NTN1: variants seen among roughly 807,000 people sequenced by gnomAD.
The protein encoded by NTN1 is netrin 1.
Under a neutral mutation model 54.2 loss-of-function variants are expected in NTN1, and 11 were observed. The observed-to-expected ratio is 0.20, with a 90% CI of 0.13 to 0.34. The LOEUF (loss-of-function observed/expected upper bound fraction) is 0.34, where lower values mean the gene tolerates loss of function less well. Among genes scored for constraint, NTN1 ranks in the 10% least tolerant of loss-of-function variants. The probability of loss-of-function intolerance (pLI) is 1.00; values close to 1 mark genes in which losing one functional copy is unlikely to be tolerated. For missense variants in NTN1, 740 were observed against 893.1 expected (o/e 0.83, Z 2.18); for synonymous variants, 371 against 382.0 (o/e 0.97, Z 0.33).
At chr17:9,063,990 A>C (rs2092007035) in intron 2 of NTN1, among the ~76,000 whole-genome samples, 1 of 152,244 alleles carries the variant, frequency 6.6e-6, no homozygotes, top group South Asian at 2.1e-4. Context: ...TTACTAAGTA[A>C]GAAATACAAG....
intron 3 of NTN1, chr17:9,176,952 G>C (rs917082992): frequency 2.0e-5 from 3 of 152,286 alleles, no homozygotes; most frequent in African/African-American, 7.2e-5. Flanking sequence ...ACGTATGAGA[G>C]AGTGTGGATG....
At chr17:9,207,651 G>A (rs896659590) in intron 5 of NTN1, among the ~76,000 whole-genome samples, 2 of 152,148 alleles carry the variant, frequency 1.3e-5, no homozygotes, top group African/African-American at 4.8e-5. Context: ...CCAGCATCCT[G>A]CAGCCCTGAA....
intron 2 of NTN1, among the ~76,000 whole-genome samples, chr17:9,055,484 TATCTGAGGAGGGACCATTTG>T (rs1178846553): frequency 1.3e-5 from 2 of 152,158 alleles, no homozygotes; most frequent in African/African-American, 2.4e-5. Context: ...AGGTGAGGCC[TATCTGAGGAGGGACCATTTG>T]ACCTGAGACC....
chr17:9,231,316 C>T lies in NTN1; in HGVS notation c.1487-8324C>T, dbSNP rs558481194. On this transcript the variant is annotated intron_variant, in intron 6 of 6. Transcript: ENST00000173229. Reference sequence around the variant, plus strand: ...TACCCGGGGGGGGACCCCAGCCTCCCAAGTAGTCTACAGGAGCTTTGGGGG... The same window carrying T: ...TACCCGGGGGGGGACCCCAGCCTCCTAAGTAGTCTACAGGAGCTTTGGGGG... 5.3e-5 allele frequency among the ~76,000 whole-genome samples: 8 copies of T among 152,278 alleles called. No homozygotes were observed. The South Asian group carries it at 1.7e-3, about 32-fold the overall frequency.
At chr17:9,181,911 C>T (rs904857798) in intron 4 of NTN1, among the ~76,000 whole-genome samples, 6 of 152,208 alleles carry the variant, frequency 3.9e-5, no homozygotes, top group Non-Finnish European at 7.3e-5. Context: ...GCTGAACCGC[C>T]TCTCTTTTCT....
chr17:9,203,664 G>A (rs566984005), intron 5 of NTN1, among the ~76,000 whole-genome samples: 9 of 152,030 alleles, frequency 5.9e-5, no homozygotes, highest in East Asian at 3.9e-4. Context: ...TTAGCCAGGC[G>A]TGGTGGTGGG....
rs916368246 is a variant in NTN1, at chr17:9,221,791, C to A, written c.1486+549C>A. On this transcript the variant is annotated intron_variant, in intron 6 of 6. Coordinates refer to ENST00000173229, the MANE Select transcript of NTN1 (RefSeq NM_004822.3). This position sits in a 1 kb window ranked among gnomAD's most constrained non-coding sequence, Gnocchi z 4.5. ...AGCAGACAGTCCTGGGGGCCACCTGCAGAGATTGCTTGTCACCTGTGACCT... is the reference window on the plus strand; with the variant it reads ...AGCAGACAGTCCTGGGGGCCACCTGAAGAGATTGCTTGTCACCTGTGACCT... Among the ~76,000 whole-genome samples the A allele has an allele frequency of 1.3e-5, 2 of 152,154 alleles. No individual in the cohort carries two copies. The highest frequency in any genetic ancestry group is 4.8e-5 in the African/African-American group (2 of 41,458).
intron 5 of NTN1, among the ~76,000 whole-genome samples, chr17:9,190,157 G>GC: frequency 6.6e-6 from 1 of 152,222 alleles, no homozygotes; most frequent in African/African-American, 2.4e-5. Flanking sequence ...ATCTCAACTA[G>GC]AATACCAGTA....
intron 2 of NTN1, among the ~76,000 whole-genome samples, chr17:9,127,945 C>T (rs199680022): frequency 1.3e-5 from 2 of 151,512 alleles, no homozygotes; most frequent in African/African-American, 2.4e-5. Context: ...GGTGAAACCC[C>T]GTCTCTACTA....
At chr17:9,190,244 G>A (rs1904416206) in intron 5 of NTN1, among the ~76,000 whole-genome samples, 1 of 152,100 alleles carries the variant, frequency 6.6e-6, no homozygotes, top group African/African-American at 2.4e-5. Flanking sequence ...CTTTTCCAAG[G>A]AACATGAAGA....
intron 2 of NTN1, among the ~76,000 whole-genome samples, chr17:9,072,628 G>A (rs1380843004): frequency 2.6e-5 from 4 of 152,218 alleles, no homozygotes; most frequent in South Asian, 2.1e-4. Context: ...AGGCTGTCGG[G>A]TAACCTAAGT....
At chr17:9,137,668 C>T (rs1339610738) in intron 2 of NTN1, among the ~76,000 whole-genome samples, 1 of 152,096 alleles carries the variant, frequency 6.6e-6, no homozygotes, top group Admixed American at 6.6e-5. Context: ...ATGGCAGGCA[C>T]CTGTAATCCC....
intron 2 of NTN1, among the ~76,000 whole-genome samples, chr17:9,088,796 C>CT: frequency 6.6e-6 from 1 of 152,348 alleles, no homozygotes; most frequent in East Asian, 1.9e-4. Flanking sequence ...AGGGTTCAAT[C>CT]TGTTGTTCTC....
At chr17:9,037,827 A>G (rs1424661390) in intron 2 of NTN1, among the ~76,000 whole-genome samples, 1 of 152,170 alleles carries the variant, frequency 6.6e-6, no homozygotes, top group African/African-American at 2.4e-5. Context: ...TTTGTCCCTC[A>G]GCCTCCCTGG....
At chr17:9,238,719 G>A (rs959779688) in intron 6 of NTN1, among the ~76,000 whole-genome samples, 2 of 152,228 alleles carry the variant, frequency 1.3e-5, no homozygotes, top group Non-Finnish European at 2.9e-5. Flanking sequence ...ACTTACTAGA[G>A]CAAAGTTTCT....
chr17:9,166,204 C>G (rs888247267), intron 3 of NTN1, among the ~76,000 whole-genome samples: 1 of 108,632 alleles, frequency 9.2e-6, no homozygotes, highest in South Asian at 3.0e-4. Flanking sequence ...ACCACCACCA[C>G]CACCAGCACC....
chr17:9,096,798 C>T (rs1225216436), intron 2 of NTN1, among the ~76,000 whole-genome samples: 4 of 152,178 alleles, frequency 2.6e-5, no homozygotes, highest in African/African-American at 7.2e-5. Context: ...TAATAGCAGG[C>T]GTCTTTGTCT....
At chr17:9,132,170 G>A (rs1435760495) in intron 2 of NTN1, among the ~76,000 whole-genome samples, 7 of 151,960 alleles carry the variant, frequency 4.6e-5, no homozygotes, top group South Asian at 2.1e-4. Context: ...CCAGTCCCTC[G>A]TCACCTGGCC....
rs1350027893 is a variant in NTN1 at position 9,219,914 on chromosome 17, AG to A, written c.1412-1253del. 6.6e-6 allele frequency among the ~76,000 whole-genome samples: 1 copy of A among 152,160 alleles called. No individual in the cohort carries two copies. The highest frequency in any genetic ancestry group is 6.6e-5 in the Admixed American group (1 of 15,266). ...TAATCCCTCACCAGGACACACACCC[AG>A]CCAACTTCCATCAACCCATGCCACC... On this transcript the variant is annotated intron_variant, in intron 5 of 6. Transcript: ENST00000173229. This position sits in a 1 kb window ranked among gnomAD's most constrained non-coding sequence, Gnocchi z 4.5.
Sources: gnomAD v4.1 joint callset for allele counts (sites outside exome capture counted in the v4.1 genomes callset) on GRCh38, gnomAD v4.1.1 for gene constraint, Gnocchi (gnomAD v3.1) non-coding constraint, MANE v1.5 for transcripts, NCBI Gene and HGNC (gene_info 2026-07-23, HGNC 2026-07-21) for gene names.